Variants in DGKH observed in about 807,000 individuals in gnomAD.
The protein encoded by DGKH is diacylglycerol kinase eta, also known as DAG kinase eta.
In DGKH, 90 loss-of-function variants were observed where a neutral mutation model predicts 159.3. That is an observed-to-expected ratio of 0.57 (90% confidence interval 0.48 to 0.67). The LOEUF is 0.67. DGKH is among the 30% of genes least tolerant of loss of function. The probability of loss-of-function intolerance (pLI) is 0.00; values close to 1 mark genes in which losing one functional copy is unlikely to be tolerated. For missense variants in DGKH, 1,181 were observed against 1,506.1 expected (o/e 0.78, Z 3.57); for synonymous variants, 536 against 553.8 (o/e 0.97, Z 0.45).
chr13:42,238,634 G>A lies in DGKH; in HGVS notation c.*9446G>A, dbSNP rs561780980. The stretch of plus-strand genomic sequence containing the variant: ...TGTTTAATCCAGAGCATGGATCACT[G>A]ACTGCGTTCTCTGACTGTGGAATGG... On this transcript the variant is annotated 3_prime_UTR_variant, in exon 30 of 30. Coordinates refer to ENST00000337343, the MANE Select transcript of DGKH (RefSeq NM_178009.5). 6.6e-6 allele frequency: 1 copy of A among 152,226 alleles called. No individual in the cohort carries two copies. Among genetic ancestry groups the A allele is most frequent in the South Asian group, 2.1e-4 (1 of 4,828 alleles). 9.4% of individuals were successfully genotyped at this position (152,226 alleles called of 1,614,324 possible).
chr13:42,139,189 G>A (rs1180155655), intron 3 of DGKH, among the ~76,000 whole-genome samples: 2 of 152,182 alleles, frequency 1.3e-5, no homozygotes. Flanking sequence ...AAATCTTGGG[G>A]TGAAGATAAG....
intron 8 of DGKH, 84 bp downstream of exon 8, chr13:42,165,517 G>A: frequency 1.4e-6 from 1 of 692,232 alleles, no homozygotes. Context: ...TAATAACTAT[G>A]ATGGTAATTG....
rs1265486038 is a variant in DGKH, at chr13:42,194,973, C to A, written c.2124C>A (p.Ser708Arg). The change falls in exon 17 of 30, where the codon AGC (serine) becomes AGA (arginine). Residue 708 changes from serine (S) to arginine (R), a missense_variant. Around this residue, in one of 5 missense-constraint regions of DGKH, gnomAD observed 257 missense variants for 281.5 expected, o/e 0.91. Coordinates refer to ENST00000337343, the MANE Select transcript of DGKH (RefSeq NM_178009.5). ...TCCCTGGTCCAGCTGTGGCAGCCAG[C>A]AAAGAAAACCTCCCTGTGCTCAATA... is the stretch of plus-strand genomic sequence containing the variant. ...DSVPGPAVAA[S>R]KENLPVLNTR... 1 of 1,614,008 alleles carries A rather than the reference C, an allele frequency of 6.2e-7. No homozygotes were observed. Among genetic ancestry groups the A allele is most frequent in the South Asian group, 1.1e-5 (1 of 91,076 alleles).
chr13:42,066,332 T>C (rs1882575050), intron 1 of DGKH: 1 of 152,194 alleles, frequency 6.6e-6, no homozygotes, highest in South Asian at 2.1e-4. Flanking sequence ...CATATAATAA[T>C]GGGACATTAT....
At chr13:42,248,471 AT>A (rs1231758104) in intron 29 of DGKH, among the ~76,000 whole-genome samples, 1 of 147,264 alleles carries the variant, frequency 6.8e-6, no homozygotes, top group Non-Finnish European at 1.5e-5. Flanking sequence ...ATAATATATA[AT>A]TTATATATAA....
chr13:42,251,617 T>A (rs567075134), intron 29 of DGKH, among the ~76,000 whole-genome samples: 1 of 152,074 alleles, frequency 6.6e-6, no homozygotes, highest in African/African-American at 2.4e-5. Flanking sequence ...ACACACTACA[T>A]ACAGATATGC....
intron 18 of DGKH, among the ~76,000 whole-genome samples, chr13:42,198,850 C>T (rs1016405516): frequency 2.0e-5 from 3 of 152,080 alleles, no homozygotes; most frequent in African/African-American, 7.2e-5. Flanking sequence ...CAAAGGAAGG[C>T]ACCAATAAAT....
chr13:42,070,705 C>T (rs530915295), intron 1 of DGKH: 1 of 1,611,238 alleles, frequency 6.2e-7, no homozygotes, highest in Non-Finnish European at 8.5e-7. Flanking sequence ...CATGAAAAGC[C>T]TGGCATGCTC....
intron 1 of DGKH, among the ~76,000 whole-genome samples, chr13:42,092,005 G>C (rs919590743): frequency 6.6e-6 from 1 of 152,100 alleles, no homozygotes; most frequent in Non-Finnish European, 1.5e-5. Flanking sequence ...GTAATTGGCT[G>C]TACTACTTTA....
chr13:42,100,388 G>C (rs1954630804), intron 1 of DGKH, among the ~76,000 whole-genome samples: 1 of 152,104 alleles, frequency 6.6e-6, no homozygotes, highest in Non-Finnish European at 1.5e-5. Context: ...TTACAATGTA[G>C]TAATAATAAA....
At chr13:42,250,864 C>T (rs1464805979) in intron 29 of DGKH, among the ~76,000 whole-genome samples, 1 of 152,124 alleles carries the variant, frequency 6.6e-6, no homozygotes, top group Admixed American at 6.5e-5. Flanking sequence ...ATATGTAGCA[C>T]TCTAATTAGC....
chr13:42,071,272 C>G (rs544325617), intron 1 of DGKH, among the ~76,000 whole-genome samples: 1 of 152,138 alleles, frequency 6.6e-6, no homozygotes, highest in African/African-American at 2.4e-5. Flanking sequence ...TTGATTTCCC[C>G]GTAGGTTTAA....
rs1958530818 is a variant in DGKH at position 42,242,378 on chromosome 13, A to C, written c.*13190A>C. 6.6e-6 allele frequency: 1 copy of C among 152,218 alleles called. No homozygotes were observed. Among genetic ancestry groups the C allele is most frequent in the Non-Finnish European group, 1.5e-5 (1 of 68,028 alleles). The allele number at this position is 152,218 out of a possible 1,614,324, so 9.4% of individuals were successfully genotyped here. A position where few individuals can be genotyped will look rare whatever the true frequency, so the allele number is the denominator to read the frequency against. ...TGCAGATAATATCTATCTATTTATT[A>C]CACAGTGGGCTCTGTTTGCTGCAGA... On this transcript the variant is annotated 3_prime_UTR_variant, in exon 30 of 30. Transcript: ENST00000337343.
At chr13:42,106,496 T>C (rs975258023) in intron 1 of DGKH, among the ~76,000 whole-genome samples, 4 of 152,194 alleles carry the variant, frequency 2.6e-5, no homozygotes, top group Non-Finnish European at 5.9e-5. Flanking sequence ...ATCCAGGACG[T>C]AGGAAAAGAA....
rs115708809 is a variant in DGKH at position 42,164,182 on chromosome 13, C to T, written c.856-1149C>T. ...TAGCCCTATAAACCTAATGAATCAA[C>T]TTATAATTTTTCCTACTGTCATCCA... On this transcript the variant is annotated intron_variant, in intron 7 of 29. Coordinates refer to ENST00000337343, the MANE Select transcript of DGKH (RefSeq NM_178009.5). Among the ~76,000 whole-genome samples the T allele has an allele frequency of 3.0e-3, 464 of 152,218 alleles. 2 individuals carry two copies. Among genetic ancestry groups the T allele is most frequent in the African/African-American group, 0.011 (453 of 41,544 alleles).
At chr13:42,094,403 C>A (rs1418051828) in intron 1 of DGKH, among the ~76,000 whole-genome samples, 1 of 152,144 alleles carries the variant, frequency 6.6e-6, no homozygotes, top group Non-Finnish European at 1.5e-5. Context: ...TTTAAATATA[C>A]ATTTTTTTCA....
At chr13:42,198,289 T>C (rs937537942) in intron 17 of DGKH, among the ~76,000 whole-genome samples, 189 bp from the exon 18 acceptor site, 2 of 152,228 alleles carry the variant, frequency 1.3e-5, no homozygotes, top group Non-Finnish European at 2.9e-5. Flanking sequence ...TCCTTGGAAG[T>C]GTCAAAAGCC....
chr13:42,202,946 A>G (rs1957382725), intron 20 of DGKH, among the ~76,000 whole-genome samples: 1 of 152,170 alleles, frequency 6.6e-6, no homozygotes, highest in Admixed American at 6.5e-5. Context: ...CAAGTTCTGT[A>G]AGTACTAAGA....
intron 29 of DGKH, 69 bp from the exon 30 acceptor site, chr13:42,229,030 A>T: frequency 1.5e-6 from 2 of 1,363,900 alleles, no homozygotes; most frequent in South Asian, 1.3e-5. Flanking sequence ...TTTCATTTTT[A>T]AAATTTTCTT....
Sources: allele counts gnomAD v4.1 joint callset (sites outside exome capture counted in the v4.1 genomes callset), GRCh38; gene constraint gnomAD v4.1.1; regional missense constraint gnomAD v4.1.1; transcripts MANE v1.5; gene names NCBI Gene and HGNC (gene_info 2026-07-23, HGNC 2026-07-21).